Variants in DGKD observed in about 807,000 individuals in gnomAD.
DGKD encodes the protein DAG kinase delta.
In DGKD, 68 loss-of-function variants were observed where a neutral mutation model predicts 154.4. The observed-to-expected ratio is 0.44, with a 90% confidence interval of 0.36 to 0.54. DGKD has a LOEUF of 0.54. DGKD is among the 20% of genes least tolerant of loss of function. DGKD has a pLI of 0.00. For synonymous variants in DGKD, 693 were observed against 638.0 expected, an observed-to-expected ratio of 1.09 and a Z score of -1.30; for missense variants, 1,343 against 1,593.6, an observed-to-expected ratio of 0.84 and a Z score of 2.68.
intron 27 of DGKD, among the ~76,000 whole-genome samples, chr2:233,465,342 G>C (rs1035652999): frequency 8.5e-5 from 13 of 152,314 alleles, no homozygotes; most frequent in Admixed American, 8.5e-4. Context: ...TGAGGTGAGA[G>C]GCTGGGAAGA....
In DGKD at chr2:233,456,951, C is replaced by G; in HGVS notation, c.2428C>G (p.Leu810Val). ...TGGAGTTCTTGGAACCAAAGAGTTG[C>G]TGCACAGAACCTACAAGAACCTGGA... Reference protein sequence around the residue: ...WYGVLGTKELLHRTYKNLEQK... With the variant: ...WYGVLGTKELVHRTYKNLEQK... Residue 810 changes from leucine to valine, a missense_variant, in exon 20 of 30, where the codon CTG (leucine) becomes GTG (valine). Leu to Val is a conservative substitution (Grantham distance 32). Coordinates refer to ENST00000264057, the MANE Select transcript of DGKD (RefSeq NM_152879.3). The G allele has an allele frequency of 6.2e-7, 1 of 1,614,174 alleles. No individual in the cohort carries two copies. Among genetic ancestry groups the G allele is most frequent in the Non-Finnish European group, 8.5e-7 (1 of 1,180,020 alleles).
At chr2:233,397,746 AG>A (rs1157205724) in intron 3 of DGKD, among the ~76,000 whole-genome samples, 3 of 152,012 alleles carry the variant, frequency 2.0e-5, no homozygotes, top group African/African-American at 7.3e-5. Context: ...GTGAACTGGA[AG>A]GGGAGGGAGG....
rs1251671365 is a variant in DGKD at position 233,445,895 on chromosome 2, A to G, written c.1334+133A>G. ...TTATTTGTAAAGATTTGACCTGAGTATATATTCGGATAGTCTTTGATATTT... is the reference window on the plus strand; with the variant it reads ...TTATTTGTAAAGATTTGACCTGAGTGTATATTCGGATAGTCTTTGATATTT... On this transcript the variant is annotated intron_variant, in intron 11 of 29. Coordinates refer to ENST00000264057, the MANE Select transcript of DGKD (RefSeq NM_152879.3). The surrounding 1 kb of genome is among the most constrained non-coding windows in gnomAD (Gnocchi z 5.5). 1.8e-6 allele frequency: 2 copies of G among 1,139,338 alleles called. No homozygotes were observed. Among genetic ancestry groups the G allele is most frequent in the Non-Finnish European group, 2.4e-6 (2 of 837,146 alleles). 70.6% of individuals were successfully genotyped at this position (1,139,338 alleles called of 1,614,324 possible). A position where few individuals can be genotyped will look rare whatever the true frequency, so the allele number is the denominator to read the frequency against.
chr2:233,435,842 G>A lies in DGKD; in HGVS notation c.611G>A (p.Arg204His), dbSNP rs765530410. Residue 204 changes from arginine to histidine, a missense_variant, in exon 6 of 30, where the codon CGC (arginine) becomes CAC (histidine). This residue lies in a region of DGKD where 332 missense variants were observed against 400.1 expected (regional missense o/e 0.83). Transcript: ENST00000264057. ...GTGTGCAAATTTAAGGCCCACAAGC[G>A]CTGTGCTGTGCGTGCAACCAATAAC... ...CEVCKFKAHK[R>H]CAVRATNNCK... The A allele has an allele frequency of 8.7e-6, 14 of 1,612,506 alleles. No homozygotes were observed. Among genetic ancestry groups the A allele is most frequent in the Admixed American group, 1.7e-5 (1 of 59,634 alleles).
chr2:233,391,215 C>G (rs973183499), intron 3 of DGKD, among the ~76,000 whole-genome samples: 2 of 151,022 alleles, frequency 1.3e-5, no homozygotes, highest in African/African-American at 4.9e-5. Context: ...TTTAAACTTT[C>G]TTCCTTCCAA....
intron 8 of DGKD, 31 bp downstream of exon 8, chr2:233,437,510 G>GCACGCCCACACGCTTC (rs2062739122): frequency 6.3e-7 from 1 of 1,593,198 alleles, no homozygotes; most frequent in African/African-American, 1.3e-5. Flanking sequence ...TCCTTCTCAT[G>GCACGCCCACACGCTTC]CACGCCCACA....
chr2:233,432,430 T>C (rs542228663), intron 3 of DGKD, among the ~76,000 whole-genome samples: 5 of 150,640 alleles, frequency 3.3e-5, no homozygotes, highest in Non-Finnish European at 5.9e-5. Context: ...AAGGCCAAGG[T>C]GGGCAGATCA....
chr2:233,405,955 A>G (rs550408379), intron 3 of DGKD, among the ~76,000 whole-genome samples: 2 of 152,370 alleles, frequency 1.3e-5, no homozygotes, highest in South Asian at 4.1e-4. Context: ...ATAGCAAATT[A>G]TCAGATAACA....
intron 3 of DGKD, among the ~76,000 whole-genome samples, chr2:233,404,974 G>A (rs1163925361): frequency 6.6e-6 from 1 of 152,172 alleles, no homozygotes; most frequent in Non-Finnish European, 1.5e-5. Flanking sequence ...AAGGTGAGAA[G>A]TGAATACTTG....
At chr2:233,411,718 T>G (rs951558055) in intron 3 of DGKD, among the ~76,000 whole-genome samples, 11 of 152,202 alleles carry the variant, frequency 7.2e-5, no homozygotes, top group African/African-American at 2.7e-4. Flanking sequence ...TCTTCTAGTA[T>G]TCTATCCAGA....
intron 3 of DGKD, among the ~76,000 whole-genome samples, chr2:233,424,119 A>T (rs1287743761): frequency 2.0e-5 from 3 of 152,176 alleles, no homozygotes; most frequent in Admixed American, 6.5e-5. Flanking sequence ...CTCGCTCGTC[A>T]TGACCGTTGG....
At chr2:233,387,266 A>G (rs936805919) in intron 1 of DGKD, among the ~76,000 whole-genome samples, 1 of 152,216 alleles carries the variant, frequency 6.6e-6, no homozygotes, top group Non-Finnish European at 1.5e-5. Context: ...TAGTTAAGCA[A>G]AAGCTTCTCT....
chr2:233,422,156 A>G (rs938744543), intron 3 of DGKD, among the ~76,000 whole-genome samples: 2 of 152,140 alleles, frequency 1.3e-5, no homozygotes, highest in Admixed American at 6.5e-5. Flanking sequence ...CAGAGCATAC[A>G]TTGGTATTGC....
intron 8 of DGKD, 127 bp downstream of exon 8, chr2:233,437,606 T>G: frequency 1.1e-6 from 1 of 919,182 alleles, no homozygotes; most frequent in South Asian, 1.5e-5. Context: ...GGCACAGCTG[T>G]TGGGGGTGCT....
In DGKD at chr2:233,472,047, G is replaced by A. The variant is rs2064031629; in HGVS notation, c.*2587G>A. The A allele has an allele frequency of 6.6e-6, 1 of 152,334 alleles. No individual in the cohort carries two copies. Among genetic ancestry groups the A allele is most frequent in the African/African-American group, 2.4e-5 (1 of 41,428 alleles). 9.4% of individuals were successfully genotyped at this position (152,334 alleles called of 1,614,324 possible). A position where few individuals can be genotyped will look rare whatever the true frequency, so the allele number is the denominator to read the frequency against. On this transcript the variant is annotated 3_prime_UTR_variant, in exon 30 of 30. Transcript: ENST00000264057. ...TGTACATAGTCCATACCTGAGTGCTGTACATAAGTTGTTCTGTGTATAAAT... is the reference window on the plus strand; with the variant it reads ...TGTACATAGTCCATACCTGAGTGCTATACATAAGTTGTTCTGTGTATAAAT...
chr2:233,386,159 C>CT (rs796658783), intron 1 of DGKD: 7,545 of 259,320 alleles, frequency 0.029, 11 homozygotes, highest in South Asian at 0.048. Flanking sequence ...TTGGTTTTGT[C>CT]TTTTTTTTTT....
intron 1 of DGKD, among the ~76,000 whole-genome samples, chr2:233,358,828 T>C (rs1701642824): frequency 1.3e-5 from 2 of 152,252 alleles, no homozygotes; most frequent in Non-Finnish European, 2.9e-5. Context: ...ATTTCTACTT[T>C]TTGGCTATTC....
rs567099743 is a variant in DGKD at position 233,398,055 on chromosome 2, T to G, written c.348+7572T>G. ...TTTTTATATTGTTTGTTACTACATT[T>G]ACTTGCAACCTCCCCTCCCAGCTCC... On this transcript the variant is annotated intron_variant, in intron 3 of 29. Coordinates refer to ENST00000264057, the MANE Select transcript of DGKD (RefSeq NM_152879.3). 3.9e-3 allele frequency among the ~76,000 whole-genome samples: 595 copies of G among 152,036 alleles called. 4 individuals carry two copies. Among genetic ancestry groups the G allele is most frequent in the African/African-American group, 0.013 (554 of 41,426 alleles).
chr2:233,387,026 C>T (rs550157122), intron 1 of DGKD, among the ~76,000 whole-genome samples: 1 of 152,326 alleles, frequency 6.6e-6, no homozygotes, highest in South Asian at 2.1e-4. Context: ...TGGGGGCTTT[C>T]TGCAGCCTTC....
Sources: gnomAD v4.1 joint callset for allele counts (sites outside exome capture counted in the v4.1 genomes callset) on GRCh38, gnomAD v4.1.1 for gene constraint, gnomAD v4.1.1 regional missense constraint, Gnocchi (gnomAD v3.1) non-coding constraint, MANE v1.5 for transcripts, NCBI Gene and HGNC (gene_info 2026-07-23, HGNC 2026-07-21) for gene names.